CDV3: variants seen among roughly 807,000 people sequenced by gnomAD.
CDV3 encodes CDV3 homolog, also known as protein CDV3 homolog.
Under a neutral mutation model 24.5 loss-of-function variants are expected in CDV3, and 14 were observed. The ratio of observed to expected loss-of-function variants is 0.57; its 90% CI spans 0.38 to 0.89. The LOEUF (loss-of-function observed/expected upper bound fraction) is 0.89, where lower values mean the gene tolerates loss of function less well. Among genes scored for constraint, CDV3 ranks in the 40% least tolerant of loss-of-function variants. The pLI is 0.00. For synonymous variants in CDV3, 114 were observed against 114.1 expected (o/e 1.00, Z 0.00); for missense variants, 304 against 310.2 (o/e 0.98, Z 0.15).
intron 1 of CDV3, 32 bp downstream of exon 1, chr3:133,574,316 C>T (rs1279891143): frequency 3.2e-6 from 3 of 944,876 alleles, no homozygotes; most frequent in Non-Finnish European, 3.8e-6. Context: ...ACTCGGGGCC[C>T]GGGCCGCGCG....
intron 2 of CDV3, among the ~76,000 whole-genome samples, chr3:133,578,714 T>C (rs1413418553): frequency 6.6e-6 from 1 of 152,194 alleles, no homozygotes; most frequent in Non-Finnish European, 1.5e-5. Flanking sequence ...CATTTTACTG[T>C]TGCAGCAATG....
chr3:133,578,304 T>C (rs1196736117), intron 2 of CDV3, among the ~76,000 whole-genome samples: 1 of 152,184 alleles, frequency 6.6e-6, no homozygotes, highest in Non-Finnish European at 1.5e-5. Context: ...TTTGGGAGAA[T>C]GTTAGAAAGA....
intron 3 of CDV3, 110 bp from the exon 4 acceptor site, chr3:133,586,453 A>T (rs1933608359): frequency 1.6e-6 from 1 of 641,932 alleles, no homozygotes; most frequent in African/African-American, 1.9e-5. Context: ...TGACCCAGAG[A>T]CCCTGGTATT....
rs1933833073 is a variant in CDV3 at position 133,588,534 on chromosome 3, TCTG to T, written c.*492_*494del. On this transcript the variant is annotated 3_prime_UTR_variant, in exon 5 of 5. Coordinates refer to ENST00000264993, the MANE Select transcript of CDV3 (RefSeq NM_017548.5). Reference sequence around the variant, plus strand: ...AAAAAGTCAGCCATCTGGGTTCTGATCTGCTGTAAAAGATGAAGATTTAAGTGA... The same window carrying T: ...AAAAAGTCAGCCATCTGGGTTCTGATCTGTAAAAGATGAAGATTTAAGTGA... The T allele has an allele frequency of 2.9e-6, 2 of 680,936 alleles. No individual in the cohort carries two copies. The highest frequency in any genetic ancestry group is 5.4e-5 in the Admixed American group (2 of 37,122). 42.2% of individuals were successfully genotyped at this position (680,936 alleles called of 1,614,324 possible). A position where few individuals can be genotyped will look rare whatever the true frequency, so the allele number is the denominator to read the frequency against.
In CDV3 at chr3:133,588,255, G is replaced by A. The variant is rs1933810419; in HGVS notation, c.*209G>A. 6.5e-7 allele frequency: 1 copy of A among 1,542,238 alleles called. No individual in the cohort carries two copies. Among genetic ancestry groups the A allele is most frequent in the Non-Finnish European group, 8.7e-7 (1 of 1,145,508 alleles). On this transcript the variant is annotated 3_prime_UTR_variant, in exon 5 of 5. Coordinates refer to ENST00000264993, the MANE Select transcript of CDV3 (RefSeq NM_017548.5). ...GGAATTTTCATTGTTACATAAATGT[G>A]TGAACTAGTTTCAACAGTGTTCTTT...
At chr3:133,574,402 C>G in intron 1 of CDV3, 118 bp downstream of exon 1, 1 of 961,102 alleles carries the variant, frequency 1.0e-6, no homozygotes, top group Non-Finnish European at 1.2e-6. Flanking sequence ...CGGACGGGCG[C>G]GGGCCGCCAC....
At position 133,574,180 on chromosome 3, in the gene CDV3, GGTGCGGC is replaced by G. The variant is rs2074709511; in HGVS notation, c.138_144del (p.Gly50ArgfsTer27). On this transcript the variant is annotated frameshift_variant, in exon 1 of 5. Coordinates refer to ENST00000264993, the MANE Select transcript of CDV3 (RefSeq NM_017548.5). LOFTEE classifies it high-confidence loss of function. ...CGCCGGCGGAAGCAGTGGAGCCGCG[GGTGCGGC>G]GGGCGGCGGGGCGGGCGCGGGGACC... 1.9e-6 allele frequency: 2 copies of G among 1,040,154 alleles called. No homozygotes were observed. Among genetic ancestry groups the G allele is most frequent in the African/African-American group, 1.7e-5 (1 of 57,534 alleles). The allele number at this position is 1,040,154 out of a possible 1,614,324, so 64.4% of individuals were successfully genotyped here. A position where few individuals can be genotyped will look rare whatever the true frequency, so the allele number is the denominator to read the frequency against.
intron 2 of CDV3, among the ~76,000 whole-genome samples, chr3:133,576,138 C>T (rs1330038884): frequency 6.6e-6 from 1 of 152,200 alleles, no homozygotes; most frequent in Non-Finnish European, 1.5e-5. Flanking sequence ...TTGTTGAACA[C>T]CTACCACAGC....
At chr3:133,586,922 T>G (rs536943868) in intron 4 of CDV3, among the ~76,000 whole-genome samples, 200 bp downstream of exon 4, 1 of 152,210 alleles carries the variant, frequency 6.6e-6, no homozygotes, top group Non-Finnish European at 1.5e-5. Context: ...GCAAAGAGCA[T>G]TGGAGACACT....
At chr3:133,587,704 A>T in intron 4 of CDV3, 192 bp from the exon 5 acceptor site, 1 of 1,367,992 alleles carries the variant, frequency 7.3e-7, no homozygotes, top group Non-Finnish European at 9.4e-7. Context: ...CTAGAGCTTC[A>T]ATACAGCGTT....
intron 1 of CDV3, 192 bp downstream of exon 1, chr3:133,574,476 G>A: frequency 1.0e-6 from 1 of 986,516 alleles, no homozygotes; most frequent in Non-Finnish European, 1.2e-6. Context: ...GATATCCGCG[G>A]TGGAGCCGCC....
At chr3:133,583,074 A>C (rs1442446224) in intron 2 of CDV3, among the ~76,000 whole-genome samples, 1 of 152,242 alleles carries the variant, frequency 6.6e-6, no homozygotes, top group Non-Finnish European at 1.5e-5. Flanking sequence ...TTGAGAAAAT[A>C]CTGCAAGCAG....
At chr3:133,586,501 A>C in intron 3 of CDV3, 62 bp from the exon 4 acceptor site, 2 of 849,880 alleles carry the variant, frequency 2.4e-6, no homozygotes, top group Non-Finnish European at 3.8e-6. Context: ...GGAATGCAAG[A>C]ATAGCTTATT....
chr3:133,578,276 C>G (rs1009508702), intron 2 of CDV3, among the ~76,000 whole-genome samples: 1 of 152,198 alleles, frequency 6.6e-6, no homozygotes, highest in Non-Finnish European at 1.5e-5. Flanking sequence ...CCAGCCACTT[C>G]CATCTTTAAA....
chr3:133,587,311 A>G, intron 4 of CDV3: 2 of 1,257,196 alleles, frequency 1.6e-6, no homozygotes, highest in East Asian at 3.1e-5. Context: ...TGGCTTTTAG[A>G]ATAAATCCCA....
intron 2 of CDV3, among the ~76,000 whole-genome samples, chr3:133,580,427 G>C (rs193012692): frequency 1.6e-4 from 24 of 152,266 alleles, no homozygotes; most frequent in Admixed American, 1.4e-3. Context: ...TTTTGGCCGG[G>C]CACAGTGGCT....
rs1933638022 is a variant in CDV3 at position 133,586,673 on chromosome 3, A to G, written c.577A>G (p.Thr193Ala). ...PQGPPEIYSD[T>A]QFPSLQSTAK... ...AGGACCACCAGAAATCTACAGTGAT[A>G]CACAGTTCCCATCCCTGCAGTCAAC... is the stretch of plus-strand genomic sequence containing the variant. Residue 193 changes from threonine (T) to alanine (A), a missense_variant, in exon 4 of 5, where the codon ACA (threonine) becomes GCA (alanine). Thr to Ala is a moderately conservative substitution (Grantham distance 58). This residue lies in a region of CDV3 where 29 missense variants were observed against 55.8 expected (regional missense o/e 0.52). Transcript: ENST00000264993. 2 of 1,599,518 alleles carry G rather than the reference A, an allele frequency of 1.3e-6. No individual in the cohort carries two copies. Among genetic ancestry groups the G allele is most frequent in the Non-Finnish European group, 8.6e-7 (1 of 1,166,642 alleles).
At chr3:133,580,348 G>A (rs1407141956) in intron 2 of CDV3, among the ~76,000 whole-genome samples, 1 of 152,106 alleles carries the variant, frequency 6.6e-6, no homozygotes, top group South Asian at 2.1e-4. Context: ...TATGTGCAAC[G>A]TTTTCTTTAT....
Position 133,588,166 on chromosome 3 carries a change from G to C in CDV3, c.*120G>C, listed in dbSNP as rs1368156672. ...ACCGATGCAGACCACTCGATTTCATGACCGGCCCTATTGCACTATGGAAGT... is the reference window on the plus strand; with the variant it reads ...ACCGATGCAGACCACTCGATTTCATCACCGGCCCTATTGCACTATGGAAGT... On this transcript the variant is annotated 3_prime_UTR_variant, in exon 5 of 5. Coordinates refer to ENST00000264993, the MANE Select transcript of CDV3 (RefSeq NM_017548.5). 1.3e-6 allele frequency: 2 copies of C among 1,545,272 alleles called. No homozygotes were observed. Among genetic ancestry groups the C allele is most frequent in the South Asian group, 2.5e-5 (2 of 79,138 alleles).
Sources: allele counts gnomAD v4.1 joint callset (sites outside exome capture counted in the v4.1 genomes callset), GRCh38; gene constraint gnomAD v4.1.1; regional missense constraint gnomAD v4.1.1; transcripts MANE v1.5; gene names NCBI Gene and HGNC (gene_info 2026-07-23, HGNC 2026-07-21).